HIBCH: variants seen among roughly 807,000 people sequenced by gnomAD.
HIBCH encodes the protein 3-hydroxyisobutyryl-CoA hydrolase.
Under a neutral mutation model 58.2 loss-of-function variants are expected in HIBCH, and 50 were observed. The ratio of observed to expected loss-of-function variants is 0.86; its 90% CI spans 0.68 to 1.09. HIBCH has a LOEUF of 1.09. HIBCH is among the 50% of genes least tolerant of loss of function. The pLI is 0.00. For synonymous variants in HIBCH, 151 were observed against 146.9 expected (o/e 1.03, Z -0.20); for missense variants, 450 against 449.7 (o/e 1.00, Z -0.01).
Position 190,194,966 on chromosome 2 carries a change from G to A in HIBCH, c.*18-4969C>T, listed in dbSNP as rs997352033. 4.6e-5 allele frequency among the ~76,000 whole-genome samples: 7 copies of A among 152,026 alleles called. 1 individual carries two copies. The highest frequency in any genetic ancestry group is 9.7e-5 in the African/African-American group (4 of 41,384). On this transcript the variant is annotated intron_variant, in intron 1 of 1. Transcript: ENST00000399855. ...TCAATTCCAACTCCTGGGCCCAAGT[G>A]ACCTCGGCTTCCTGAGTAGTTAAAA...
chr2:190,259,906 C>T (rs536970523), intron 7 of HIBCH, among the ~76,000 whole-genome samples: 1 of 152,244 alleles, frequency 6.6e-6, no homozygotes, highest in African/African-American at 2.4e-5. Flanking sequence ...TGAGAGCAGG[C>T]ATCATTGTCT....
chr2:190,252,585 G>A (rs562954930), intron 7 of HIBCH, among the ~76,000 whole-genome samples: 419 of 152,076 alleles, frequency 2.8e-3, no homozygotes, highest in African/African-American at 9.7e-3. Flanking sequence ...AGTACTCAAT[G>A]TTACCTAAAT....
At chr2:190,193,557 T>C (rs968729252) in intron 1 of HIBCH, among the ~76,000 whole-genome samples, 3 of 152,178 alleles carry the variant, frequency 2.0e-5, no homozygotes, top group Non-Finnish European at 2.9e-5. Context: ...TTTGGAAAGA[T>C]TTACAATTTC....
chr2:190,204,957 CA>C lies in HIBCH; in HGVS notation c.*159del. The C allele has an allele frequency of 1.6e-6, 1 of 642,102 alleles. No homozygotes were observed. Among genetic ancestry groups the C allele is most frequent in the South Asian group, 1.8e-5 (1 of 56,992 alleles). 39.8% of individuals were successfully genotyped at this position (642,102 alleles called of 1,614,324 possible). ...TTGTGAATTCTGATAATTTTCACGT[CA>C]TGAATTATTAGTCTTTGATTTCTTT... On this transcript the variant is annotated 3_prime_UTR_variant, in exon 14 of 14. Coordinates refer to ENST00000359678, the MANE Select transcript of HIBCH (RefSeq NM_014362.4).
chr2:190,208,857 G>A, intron 13 of HIBCH, 23 bp downstream of exon 13: 18 of 1,607,042 alleles, frequency 1.1e-5, no homozygotes, highest in Non-Finnish European at 1.5e-5. Context: ...CCCCAAAATG[G>A]TAAGTTCCCA....
chr2:190,264,258 C>T (rs966251160), intron 6 of HIBCH, among the ~76,000 whole-genome samples: 11 of 136,680 alleles, frequency 8.0e-5, no homozygotes, highest in South Asian at 2.3e-4. Flanking sequence ...GCAAGCCACA[C>T]GGGCTTTCTT....
intron 11 of HIBCH, among the ~76,000 whole-genome samples, chr2:190,227,913 G>A (rs548608670): frequency 2.6e-5 from 4 of 152,314 alleles, no homozygotes; most frequent in South Asian, 4.1e-4. Flanking sequence ...GACAGGTGCT[G>A]AAGAGGAAGA....
At chr2:190,246,751 A>T (rs1686618997) in intron 9 of HIBCH, among the ~76,000 whole-genome samples, 1 of 152,218 alleles carries the variant, frequency 6.6e-6, no homozygotes, top group Non-Finnish European at 1.5e-5. Context: ...CACTTCCCAC[A>T]TGACACAGTT....
rs1559050780 is a variant in HIBCH at position 190,281,529 on chromosome 2, CG to C, written c.438+6056del. On this transcript the variant is annotated intron_variant, in intron 6 of 13. Transcript: ENST00000359678. The surrounding 1 kb of genome is among the most constrained non-coding windows in gnomAD (Gnocchi z 5.4). Reference sequence around the variant, plus strand: ...ATGAGAAAGGGAGGCTCAAAGGTCTCGGAAATGCCTTGAGGGTCTTTCTCCC... The same window carrying C: ...ATGAGAAAGGGAGGCTCAAAGGTCTCGAAATGCCTTGAGGGTCTTTCTCCC... 6.6e-6 allele frequency among the ~76,000 whole-genome samples: 1 copy of C among 152,164 alleles called. No individual in the cohort carries two copies. Among genetic ancestry groups the C allele is most frequent in the Non-Finnish European group, 1.5e-5 (1 of 68,034 alleles).
Position 190,306,017 on chromosome 2 carries a change from C to T in HIBCH, c.78+4737G>A, listed in dbSNP as rs947665626. Among the ~76,000 whole-genome samples the T allele has an allele frequency of 3.3e-5, 5 of 152,156 alleles. No individual in the cohort carries two copies. Among genetic ancestry groups the T allele is most frequent in the African/African-American group, 1.2e-4 (5 of 41,440 alleles). On this transcript the variant is annotated intron_variant, in intron 2 of 13. Transcript: ENST00000359678. The surrounding 1 kb of genome is among the most constrained non-coding windows in gnomAD (Gnocchi z 4.6). ...CAAAAATGGAATGCCATACCTTATT[C>T]TGCACCTCCCACTGTTAATTCAGCA... is the stretch of plus-strand genomic sequence containing the variant.
rs1318733347 is a variant in HIBCH, at chr2:190,294,020, GTGTATATATATA to G, written c.304+514_304+525del. Among the ~76,000 whole-genome samples, 79 of 125,822 alleles carry G rather than the reference GTGTATATATATA, an allele frequency of 6.3e-4. 1 individual carries two copies. Among genetic ancestry groups the G allele is most frequent in the South Asian group, 1.5e-3 (6 of 4,098 alleles). The allele number at this position is 125,822 out of a possible 152,430, so 82.5% of individuals were successfully genotyped here. A position where few individuals can be genotyped will look rare whatever the true frequency, so the allele number is the denominator to read the frequency against. ...ATATATTTTGTAATATATATTTTGT[GTGTATATATATA>G]TATATATATATATATATATATAGCA... On this transcript the variant is annotated intron_variant, in intron 4 of 13. Transcript: ENST00000359678.
intron 11 of HIBCH, among the ~76,000 whole-genome samples, chr2:190,237,877 G>A (rs1245867969): frequency 1.3e-5 from 2 of 150,782 alleles, no homozygotes; most frequent in Non-Finnish European, 2.9e-5. Flanking sequence ...GTGTCAATAT[G>A]TTCTCACTGT....
At chr2:190,280,437 C>T (rs1687675043) in intron 6 of HIBCH, among the ~76,000 whole-genome samples, 1 of 152,100 alleles carries the variant, frequency 6.6e-6, no homozygotes, top group Non-Finnish European at 1.5e-5. Flanking sequence ...TAAACTATCT[C>T]CCTAAAATAA....
chr2:190,294,249 T>C (rs1451592197), intron 4 of HIBCH, among the ~76,000 whole-genome samples: 1 of 151,720 alleles, frequency 6.6e-6, no homozygotes, highest in East Asian at 1.9e-4. Context: ...AAATATAAAG[T>C]GGACCCATAT....
downstream of HIBCH, chr2:190,200,163 A>G: frequency 6.2e-7 from 1 of 1,609,236 alleles, no homozygotes. Flanking sequence ...GTAGGATGAC[A>G]ACACTTTGAC....
intron 6 of HIBCH, among the ~76,000 whole-genome samples, chr2:190,266,454 G>A (rs946668311): frequency 1.4e-4 from 22 of 152,038 alleles, no homozygotes; most frequent in Admixed American, 1.2e-3. Flanking sequence ...TTTATTTTGA[G>A]CCAGAGTCTC....
chr2:190,296,793 G>A lies in HIBCH; in HGVS notation c.219+20C>T. The A allele has an allele frequency of 6.3e-7, 1 of 1,598,680 alleles. No individual in the cohort carries two copies. Among genetic ancestry groups the A allele is most frequent in the Non-Finnish European group, 8.6e-7 (1 of 1,166,070 alleles). ...TACTTTGAAAAGAATCCATATAATT[G>A]CAATAAGAAAATTACAAACCTTTAG... On this transcript the variant is annotated intron_variant, in intron 3 of 13. Coordinates refer to ENST00000359678, the MANE Select transcript of HIBCH (RefSeq NM_014362.4).
chr2:190,209,856 C>T lies in HIBCH; in HGVS notation c.1012-943G>A, dbSNP rs1690476672. Among the ~76,000 whole-genome samples, 1 of 152,124 alleles carries T rather than the reference C, an allele frequency of 6.6e-6. No homozygotes were observed. The highest frequency in any genetic ancestry group is 2.4e-5 in the African/African-American group (1 of 41,422). On this transcript the variant is annotated intron_variant, in intron 12 of 13. Transcript: ENST00000359678. This position sits in a 1 kb window ranked among gnomAD's most constrained non-coding sequence, Gnocchi z 5.6. ...GATAGCTACATATTAACTATGTGAC[C>T]TCGGACTAGTAATTTCTCCAACCCT...
intron 1 of HIBCH, among the ~76,000 whole-genome samples, chr2:190,196,006 T>C (rs1179599225): frequency 7.1e-6 from 1 of 141,254 alleles, no homozygotes; most frequent in African/African-American, 2.6e-5. Flanking sequence ...TTGAAAAGAC[T>C]ATGTATGTGT....
Sources: allele counts gnomAD v4.1 joint callset (sites outside exome capture counted in the v4.1 genomes callset), GRCh38; gene constraint gnomAD v4.1.1; non-coding constraint Gnocchi (gnomAD v3.1); transcripts MANE v1.5; gene names NCBI Gene and HGNC (gene_info 2026-07-23, HGNC 2026-07-21).